Variants in MGMT observed in about 807,000 individuals in gnomAD.
MGMT encodes the protein O-6-methylguanine-DNA methyltransferase, also known as methylated-DNA--protein-cysteine methyltransferase.
MGMT carries 14 observed loss-of-function variants against 15.9 expected under a neutral mutation model. The observed-to-expected ratio is 0.88, with a 90% confidence interval of 0.58 to 1.37. The LOEUF is 1.37. MGMT is among the 40% of genes most tolerant of loss of function. The pLI is 0.00. For synonymous variants in MGMT, 130 were observed against 118.2 expected (o/e 1.10, Z -0.65); for missense variants, 282 against 268.1 (o/e 1.05, Z -0.36).
At chr10:129,592,369 C>T (rs1382554620) in intron 2 of MGMT, among the ~76,000 whole-genome samples, 3 of 152,170 alleles carry the variant, frequency 2.0e-5, no homozygotes, top group African/African-American at 7.2e-5. Flanking sequence ...TTGCTGATAC[C>T]AGTGTGGCAT....
At chr10:129,565,116 G>C (rs536588942) in intron 2 of MGMT, among the ~76,000 whole-genome samples, 20 of 152,328 alleles carry the variant, frequency 1.3e-4, no homozygotes, top group African/African-American at 3.4e-4. Context: ...TAGCCTGCCC[G>C]GCGGGGCCGG....
intron 2 of MGMT, among the ~76,000 whole-genome samples, chr10:129,618,045 T>G (rs866746412): frequency 3.3e-5 from 5 of 152,078 alleles, no homozygotes; most frequent in African/African-American, 9.6e-5. Context: ...CCGGGATTCT[T>G]GGCCTGGAGG....
In MGMT at chr10:129,514,300, A is replaced by G. The variant is rs555135064; in HGVS notation, c.-12-21941A>G. On this transcript the variant is annotated intron_variant, in intron 1 of 4. Coordinates refer to ENST00000651593, the MANE Select transcript of MGMT (RefSeq NM_002412.5). The stretch of plus-strand genomic sequence containing the variant: ...GGGTATTGTTTACATATAATTTTGT[A>G]ATAATTCCTATTTCCAAGGAAGAAC... Among the ~76,000 whole-genome samples, 21 of 152,350 alleles carry G rather than the reference A, an allele frequency of 1.4e-4. No homozygotes were observed. In the East Asian group the frequency reaches 3.3e-3, roughly 24 times the overall value.
At chr10:129,727,279 C>T (rs1448770008) in intron 3 of MGMT, among the ~76,000 whole-genome samples, 1 of 152,232 alleles carries the variant, frequency 6.6e-6, no homozygotes, top group African/African-American at 2.4e-5. Context: ...CCTCAGTCAC[C>T]TGCTGTGAGG....
chr10:129,535,156 G>A (rs1205362303), intron 1 of MGMT, among the ~76,000 whole-genome samples: 4 of 152,140 alleles, frequency 2.6e-5, no homozygotes, highest in African/African-American at 4.8e-5. Flanking sequence ...TGGTTGGGTT[G>A]GAGTGGAAAG....
chr10:129,489,628 G>A (rs1453022275), intron 1 of MGMT, among the ~76,000 whole-genome samples: 1 of 152,024 alleles, frequency 6.6e-6, no homozygotes, highest in Non-Finnish European at 1.5e-5. Context: ...GTCTCTCTTG[G>A]ATTTCCTTAA....
In MGMT at chr10:129,569,605, A is replaced by T. The variant is rs375246216; in HGVS notation, c.125+33228A>T. Among the ~76,000 whole-genome samples the T allele has an allele frequency of 8.8e-4, 134 of 152,266 alleles. 4 individuals are homozygous for T. The South Asian group carries it at 0.026, about 29-fold the overall frequency. ...GGGCCTGACTTGGGTGATGCCCAGA[A>T]TCCCAGTCATGAGGGGACCATGACT... On this transcript the variant is annotated intron_variant, in intron 2 of 4. Transcript: ENST00000651593.
intron 1 of MGMT, among the ~76,000 whole-genome samples, chr10:129,471,459 G>A (rs1845230151): frequency 6.6e-6 from 1 of 152,098 alleles, no homozygotes; most frequent in South Asian, 2.1e-4. Flanking sequence ...GAGGACTCCG[G>A]TGGGCAGCCG....
At chr10:129,594,994 C>G (rs955699405) in intron 2 of MGMT, among the ~76,000 whole-genome samples, 2 of 152,204 alleles carry the variant, frequency 1.3e-5, no homozygotes, top group Non-Finnish European at 2.9e-5. Context: ...GAGCAGCGCC[C>G]CACGTCTCAC....
At chr10:129,579,418 G>A (rs781622450) in intron 2 of MGMT, among the ~76,000 whole-genome samples, 4 of 152,220 alleles carry the variant, frequency 2.6e-5, no homozygotes, top group South Asian at 2.1e-4. Flanking sequence ...GCTCATCCCC[G>A]GATCATGGCA....
intron 2 of MGMT, among the ~76,000 whole-genome samples, chr10:129,692,218 C>T (rs1360368917): frequency 6.6e-6 from 1 of 152,138 alleles, no homozygotes; most frequent in Non-Finnish European, 1.5e-5. Context: ...GGGCTTAGGT[C>T]TGGAGCGTTA....
chr10:129,565,741 C>T (rs184491856), intron 2 of MGMT, among the ~76,000 whole-genome samples: 48 of 152,228 alleles, frequency 3.2e-4, no homozygotes, highest in African/African-American at 1.0e-3. Context: ...AAGACCCTGG[C>T]GCCCCGTCTC....
At chr10:129,678,511 C>T (rs1372558772) in intron 2 of MGMT, among the ~76,000 whole-genome samples, 1 of 152,138 alleles carries the variant, frequency 6.6e-6, no homozygotes, top group Admixed American at 6.5e-5. Flanking sequence ...GCATGCATCA[C>T]CTCCAGTTAC....
chr10:129,646,737 TA>T (rs1458632859), intron 2 of MGMT, among the ~76,000 whole-genome samples: 1,311 of 105,174 alleles, frequency 0.012, 101 homozygotes, highest in African/African-American at 0.045. Flanking sequence ...TATATATATA[TA>T]TATATATATA....
intron 2 of MGMT, among the ~76,000 whole-genome samples, chr10:129,652,988 G>A (rs1031061017): frequency 2.0e-5 from 3 of 152,190 alleles, no homozygotes; most frequent in African/African-American, 4.8e-5. Flanking sequence ...CAGAATGCCC[G>A]CCCCAGGACA....
chr10:129,718,853 C>T (rs376249702), intron 3 of MGMT, among the ~76,000 whole-genome samples: 4 of 152,114 alleles, frequency 2.6e-5, no homozygotes, highest in African/African-American at 9.7e-5. Flanking sequence ...AGTCTGTATG[C>T]TTGCTCAGGC....
intron 2 of MGMT, among the ~76,000 whole-genome samples, chr10:129,587,745 C>G (rs1380202257): frequency 6.6e-6 from 1 of 152,002 alleles, no homozygotes; most frequent in Non-Finnish European, 1.5e-5. Flanking sequence ...CTATATTTTT[C>G]TACTCACCTT....
chr10:129,692,660 G>A (rs1198691960), intron 2 of MGMT, among the ~76,000 whole-genome samples: 1 of 152,204 alleles, frequency 6.6e-6, no homozygotes, highest in Non-Finnish European at 1.5e-5. Context: ...GGGTCCGGGT[G>A]TGGCGTGGGC....
chr10:129,552,180 G>A (rs1846164462), intron 2 of MGMT, among the ~76,000 whole-genome samples: 1 of 152,194 alleles, frequency 6.6e-6, no homozygotes, highest in Admixed American at 6.5e-5. Context: ...GGCCACAGCC[G>A]CCCACCCGCT....
Sources: allele counts gnomAD v4.1 joint callset (sites outside exome capture counted in the v4.1 genomes callset), GRCh38; gene constraint gnomAD v4.1.1; transcripts MANE v1.5; gene names NCBI Gene and HGNC (gene_info 2026-07-23, HGNC 2026-07-21).